IQGAP3: variants seen among roughly 807,000 people sequenced by gnomAD.
The protein encoded by IQGAP3 is ras GTPase-activating-like protein IQGAP3.
A neutral mutation model predicts 208.2 loss-of-function variants in IQGAP3; 165 were observed. The observed-to-expected ratio is 0.79, with a 90% CI of 0.70 to 0.90. IQGAP3 has a LOEUF of 0.90. IQGAP3 is among the 40% of genes least tolerant of loss of function. IQGAP3 has a pLI of 0.00. For synonymous variants in IQGAP3, 703 were observed against 803.6 expected (o/e 0.87, Z 2.12); for missense variants, 1,811 against 2,043.1 (o/e 0.89, Z 2.19).
chr1:156,526,096 GC>G lies in IQGAP3; in HGVS notation c.*389del, dbSNP rs987126693. 6.5e-5 allele frequency: 13 copies of G among 199,186 alleles called. No homozygotes were observed. Among genetic ancestry groups the G allele is most frequent in the African/African-American group, 3.0e-4 (13 of 43,896 alleles). 12.3% of individuals were successfully genotyped at this position (199,186 alleles called of 1,614,324 possible). ...AGCCTGGCCCTGGCTTTGTGGGAGT[GC>G]AGAGAGAAGGAAGGCAGAGGGGAAA... is the stretch of plus-strand genomic sequence containing the variant. On this transcript the variant is annotated 3_prime_UTR_variant, in exon 38 of 38. Coordinates refer to ENST00000361170, the MANE Select transcript of IQGAP3 (RefSeq NM_178229.5).
intron 11 of IQGAP3, among the ~76,000 whole-genome samples, chr1:156,558,377 G>A (rs1271662352): frequency 9.1e-5 from 4 of 43,880 alleles, no homozygotes; most frequent in African/African-American, 2.2e-4. Context: ...GTGGTGGGGG[G>A]GTCAGCCCCC....
At chr1:156,554,647 C>T (rs1376156238) in intron 12 of IQGAP3, among the ~76,000 whole-genome samples, 1 of 152,216 alleles carries the variant, frequency 6.6e-6, no homozygotes, top group Non-Finnish European at 1.5e-5. Context: ...CCATTAACAT[C>T]CCCATTTCAT....
intron 12 of IQGAP3, among the ~76,000 whole-genome samples, chr1:156,555,369 T>C (rs112092266): frequency 9.1e-4 from 138 of 152,256 alleles, no homozygotes; most frequent in African/African-American, 3.0e-3. Context: ...ATTTCAGGCA[T>C]GTGCCACCAC....
At chr1:156,551,922 G>T (rs1319551334) in intron 14 of IQGAP3, 52 bp downstream of exon 14, 40 of 1,603,262 alleles carry the variant, frequency 2.5e-5, no homozygotes, top group Non-Finnish European at 3.3e-5. Flanking sequence ...ATGGCTAAGG[G>T]ACAGGACTGC....
At chr1:156,528,098 T>G in intron 36 of IQGAP3, 38 bp from the exon 37 acceptor site, 1 of 1,480,430 alleles carries the variant, frequency 6.8e-7, no homozygotes, top group Non-Finnish European at 9.4e-7. Context: ...ACCCACTGCC[T>G]CTTTCCAGGG....
chr1:156,540,657 T>C, intron 23 of IQGAP3, 51 bp downstream of exon 23: 1 of 1,505,590 alleles, frequency 6.6e-7, no homozygotes, highest in Non-Finnish European at 9.2e-7. Context: ...CAGCATCACA[T>C]CTCCAGAGGC....
intron 35 of IQGAP3, 43 bp from the exon 36 acceptor site, chr1:156,528,653 T>G: frequency 6.7e-7 from 1 of 1,484,820 alleles, no homozygotes; most frequent in African/African-American, 1.4e-5. Context: ...AATAAACACT[T>G]TACCACCAAA....
Position 156,563,645 on chromosome 1 carries a change from G to A in IQGAP3, c.527C>T (p.Ala176Val), listed in dbSNP as rs745848033. ...KFTAEELSNMASELAKYGLQL... is the reference protein window; with the variant it reads ...KFTAEELSNMVSELAKYGLQL... The stretch of plus-strand genomic sequence containing the variant: ...GAGGCCATATTTGGCCAGTTCGGAC[G>A]CCATGTTGCTGAGTTCCTCAGCTGC... The change falls in exon 7 of 38, where the codon GCG becomes GTG. Residue 176 changes from alanine (A) to valine (V), a missense_variant. By Grantham distance (64) the Ala-to-Val change is moderately conservative. Transcript: ENST00000361170. 3.7e-6 allele frequency: 6 copies of A among 1,612,942 alleles called. No homozygotes were observed. The African/African-American group carries it at 4.0e-5, about 11-fold the overall frequency.
In IQGAP3 at chr1:156,556,593, C is replaced by G; in HGVS notation, c.1230G>C (p.Val410=). The change falls in exon 12 of 38, where the codon GTG becomes GTC. Residue 410 remains valine (V), a synonymous_variant. Coordinates refer to ENST00000361170, the MANE Select transcript of IQGAP3 (RefSeq NM_178229.5). ...LMCPEAQLPP[V]YPVASSMYQL... is the part of the protein sequence containing the mutation. ...GGTACATAGACGATGCAACAGGGTA[C>G]ACTGGAGGCAGCTGGGCCTCAGGGC... The G allele has an allele frequency of 1.2e-6, 2 of 1,613,542 alleles. No homozygotes were observed. Among genetic ancestry groups the G allele is most frequent in the Non-Finnish European group, 1.7e-6 (2 of 1,179,566 alleles).
At chr1:156,563,884 C>A in intron 5 of IQGAP3, 60 bp from the exon 6 acceptor site, 1 of 1,435,746 alleles carries the variant, frequency 7.0e-7, no homozygotes, top group Non-Finnish European at 9.7e-7. Flanking sequence ...ACACTCTGCC[C>A]ACGATGGGTT....
Position 156,548,766 on chromosome 1 carries a change from A to G in IQGAP3, c.1826-18T>C. On this transcript the variant is annotated intron_variant, in intron 16 of 37. Coordinates refer to ENST00000361170, the MANE Select transcript of IQGAP3 (RefSeq NM_178229.5). ...AAGAGCCACTGACAGGGGCATCAGG[A>G]GAGAGCAGTCAATCCTTCCCCCGAG... 1.9e-6 allele frequency: 3 copies of G among 1,542,484 alleles called. No homozygotes were observed. The highest frequency in any genetic ancestry group is 2.6e-6 in the Non-Finnish European group (3 of 1,144,074).
chr1:156,540,015 T>C, intron 23 of IQGAP3, 25 bp from the exon 24 acceptor site: 1 of 1,613,940 alleles, frequency 6.2e-7, no homozygotes, highest in African/African-American at 1.3e-5. Context: ...GAGCGGGTGA[T>C]ACAACTAGCC....
At position 156,560,941 on chromosome 1, in the gene IQGAP3, T is replaced by C. The variant is rs878957579; in HGVS notation, c.1122A>G (p.Glu374=). 6.2e-7 allele frequency: 1 copy of C among 1,612,872 alleles called. No individual in the cohort carries two copies. The highest frequency in any genetic ancestry group is 1.1e-5 in the South Asian group (1 of 91,060). Residue 374 remains glutamate (E), a synonymous_variant, in exon 11 of 38, where the codon GAA becomes GAG. Transcript: ENST00000361170. The part of the protein sequence containing the change: ...VAAANTKGDQ[E]QAMLHAVQRI... ...GACCTGCAGATGACTTACTGGCTTG[T>C]TCCTGATCACCCTTTGTGTTGGCTG...
intron 4 of IQGAP3, among the ~76,000 whole-genome samples, 193 bp downstream of exon 4, chr1:156,565,834 A>G (rs1291892081): frequency 6.6e-6 from 1 of 152,194 alleles, no homozygotes; most frequent in South Asian, 2.1e-4. Context: ...TTTCATCCAC[A>G]GGGAAGAGGA....
At chr1:156,534,364 A>T (rs1674579383) in intron 29 of IQGAP3, 137 bp downstream of exon 29, 1 of 912,554 alleles carries the variant, frequency 1.1e-6, no homozygotes, top group Non-Finnish European at 1.6e-6. Flanking sequence ...CCTTCCAACA[A>T]CCTATCCTCC....
rs758946296 is a variant in IQGAP3 at position 156,533,785 on chromosome 1, G to T, written c.3964C>A (p.Pro1322Thr). 1.9e-6 allele frequency: 3 copies of T among 1,613,548 alleles called. No individual in the cohort carries two copies. Residue 1322 changes from proline (P) to threonine (T), a missense_variant, in exon 31 of 38, where the codon CCT becomes ACT. Transcript: ENST00000361170. ...LEDLGELPTI[P>T]DLIGESIAAD... ...GGAGGGCACGTACCAATAAGGTCAG[G>T]GATGGTGGGCAGCTCCCCAAGATCC...
At chr1:156,560,891 A>G (rs367669400) in intron 11 of IQGAP3, 43 bp downstream of exon 11, 9 of 1,326,786 alleles carry the variant, frequency 6.8e-6, no homozygotes, top group Middle Eastern at 1.8e-4. Context: ...TCTAAGAGTC[A>G]GAGATACGCA....
chr1:156,537,057 A>AC, intron 27 of IQGAP3, 124 bp downstream of exon 27: 1 of 1,029,198 alleles, frequency 9.7e-7, no homozygotes, highest in South Asian at 1.7e-5. Flanking sequence ...CCCTCTGAGT[A>AC]CCCCTGGCTC....
chr1:156,564,696 A>G lies in IQGAP3; in HGVS notation c.361-5T>C. On this transcript the variant is annotated splice_polypyrimidine_tract_variant and splice_region_variant and intron_variant, in intron 4 of 37. Transcript: ENST00000361170. ...CGTGGTCTCTGGGAAGAAGGTCTAG[A>G]GGAGAAACCAGCCAGTTACTGCCAT... The G allele has an allele frequency of 6.2e-7, 1 of 1,610,292 alleles. No homozygotes were observed. Among genetic ancestry groups the G allele is most frequent in the Non-Finnish European group, 8.5e-7 (1 of 1,176,720 alleles).
Sources: gnomAD v4.1 joint callset for allele counts (sites outside exome capture counted in the v4.1 genomes callset) on GRCh38, gnomAD v4.1.1 for gene constraint, MANE v1.5 for transcripts, NCBI Gene and HGNC (gene_info 2026-07-23, HGNC 2026-07-21) for gene names.